The following PCDHGA2 variants were observed in gnomAD, a reference collection of about 807,000 sequenced individuals.
PCDHGA2 encodes the protein protocadherin gamma subfamily A, 2.
In PCDHGA2, 40 loss-of-function variants were observed where a neutral mutation model predicts 59.2. That is an observed-to-expected ratio of 0.68 (90% CI 0.52 to 0.88). The LOEUF is 0.88. PCDHGA2 is among the 40% of genes least tolerant of loss of function. PCDHGA2 has a pLI of 0.00. For synonymous variants in PCDHGA2, 560 were observed against 526.0 expected, an observed-to-expected ratio of 1.06 and a Z score of -0.89; for missense variants, 1,226 against 1,204.0, an observed-to-expected ratio of 1.02 and a Z score of -0.27.
At position 141,394,666 on chromosome 5, in the gene PCDHGA2, C is replaced by T. The variant is rs1175831509; in HGVS notation, c.2424+53271C>T. 1.2e-6 allele frequency: 2 copies of T among 1,613,190 alleles called. No homozygotes were observed. ...AAGGCCAGCGAGCCGGGACTCTTCT[C>T]GGTGGGTCTGCACACGGGCGAGGTG... On this transcript the variant is annotated intron_variant, in intron 1 of 3. Transcript: ENST00000394576.
chr5:141,409,462 C>T (rs377705841), intron 1 of PCDHGA2: 3 of 1,613,988 alleles, frequency 1.9e-6, no homozygotes, highest in Non-Finnish European at 2.5e-6. Flanking sequence ...AATACAATGT[C>T]ACCATCGTAG....
At chr5:141,428,120 C>A in intron 1 of PCDHGA2, 1 of 1,606,526 alleles carries the variant, frequency 6.2e-7, no homozygotes, top group Non-Finnish European at 8.5e-7. Flanking sequence ...CCATCGAGCC[C>A]GGGCTTTTCA....
At chr5:141,469,629 C>T (rs933972587) in intron 1 of PCDHGA2, among the ~76,000 whole-genome samples, 1 of 152,070 alleles carries the variant, frequency 6.6e-6, no homozygotes, top group Admixed American at 6.6e-5. Context: ...GTTTGTAGTT[C>T]CAAAATATTT....
intron 1 of PCDHGA2, chr5:141,383,844 T>C (rs569088165): frequency 2.5e-6 from 4 of 1,613,924 alleles, no homozygotes; most frequent in Non-Finnish European, 3.4e-6. Context: ...CTGCCTTCTA[T>C]GAAATGGAGG....
chr5:141,428,624 C>CT, intron 1 of PCDHGA2: 1 of 193,988 alleles, frequency 5.2e-6, no homozygotes, highest in South Asian at 1.1e-4. Context: ...AAGATAAGCT[C>CT]TAACTCTGTT....
intron 1 of PCDHGA2, chr5:141,393,313 T>G: frequency 1.2e-6 from 2 of 1,613,324 alleles, no homozygotes; most frequent in Non-Finnish European, 1.7e-6. Flanking sequence ...GTGAACTCCC[T>G]CCAGAGCTAC....
Position 141,340,889 on chromosome 5 carries a change from C to T in PCDHGA2, c.1918C>T (p.Gln640Ter), listed in dbSNP as rs768027314. The T allele has an allele frequency of 1.2e-6, 2 of 1,613,714 alleles. No homozygotes were observed. The highest frequency in any genetic ancestry group is 1.7e-6 in the Non-Finnish European group (2 of 1,179,936). The change falls in exon 1 of 4, where the codon CAG becomes TAG. Residue 640 changes from glutamine (Q) to a stop codon, truncating the protein, a stop_gained. Coordinates refer to ENST00000394576, the MANE Select transcript of PCDHGA2 (RefSeq NM_018915.4). LOFTEE classifies it high-confidence loss of function. Reference sequence around the variant, plus strand: ...CCTGCTGGACAGAGACGCGCTCAAGCAGAGCCTCGTGGTGGCCATCCAGGA... The same window carrying T: ...CCTGCTGGACAGAGACGCGCTCAAGTAGAGCCTCGTGGTGGCCATCCAGGA... ...RALLDRDALK[Q>*]SLVVAIQDHG...
At chr5:141,374,703 T>C in intron 1 of PCDHGA2, 1 of 1,609,272 alleles carries the variant, frequency 6.2e-7, no homozygotes, top group Non-Finnish European at 8.5e-7. Flanking sequence ...GGAGAAGCCG[T>C]TTACCGCCTG....
chr5:141,357,682 G>A (rs1467921091), intron 1 of PCDHGA2: 19 of 1,578,578 alleles, frequency 1.2e-5, no homozygotes, highest in African/African-American at 5.5e-5. Flanking sequence ...TTGTGTAAAT[G>A]TCTCTCATTT....
intron 1 of PCDHGA2, chr5:141,418,829 C>A: frequency 1.9e-6 from 3 of 1,613,856 alleles, no homozygotes; most frequent in Non-Finnish European, 1.7e-6. Context: ...AGCAAAAGAC[C>A]GAGGATCTCT....
At chr5:141,364,161 C>A in intron 1 of PCDHGA2, 1 of 652,296 alleles carries the variant, frequency 1.5e-6, no homozygotes, top group Non-Finnish European at 2.3e-6. Flanking sequence ...GCCGCAGAGG[C>A]GACCCGACTC....
intron 3 of PCDHGA2, among the ~76,000 whole-genome samples, chr5:141,509,685 A>G (rs923641083): frequency 6.6e-6 from 1 of 152,166 alleles, no homozygotes. Flanking sequence ...TCTTCTGTAC[A>G]GTGGGACGTT....
intron 1 of PCDHGA2, chr5:141,344,821 C>T (rs780866880): frequency 1.9e-6 from 3 of 1,613,800 alleles, no homozygotes; most frequent in Admixed American, 1.7e-5. Context: ...CGGCTGCTCA[C>T]GGTGAATGCC....
Position 141,491,906 on chromosome 5 carries a change from T to A in PCDHGA2, c.2425-2901T>A, listed in dbSNP as rs1490050332. On this transcript the variant is annotated intron_variant, in intron 1 of 3. Transcript: ENST00000394576. The surrounding 1 kb of genome is among the most constrained non-coding windows in gnomAD (Gnocchi z 6.9). ...ATGGGGCTCCGAGCACCGGGGGTGG[T>A]GGCGACTGTGGGCGAGGGGAGGTGG... is the stretch of plus-strand genomic sequence containing the variant. 7.1e-7 allele frequency: 1 copy of A among 1,414,468 alleles called. No individual in the cohort carries two copies. Among genetic ancestry groups the A allele is most frequent in the African/African-American group, 1.4e-5 (1 of 69,002 alleles). 87.6% of individuals were successfully genotyped at this position (1,414,468 alleles called of 1,614,324 possible).
chr5:141,469,830 A>G (rs184478661), intron 1 of PCDHGA2, among the ~76,000 whole-genome samples: 1 of 152,124 alleles, frequency 6.6e-6, no homozygotes, highest in African/African-American at 2.4e-5. Flanking sequence ...GGTCACATAA[A>G]ACTTATTCTT....
At chr5:141,350,909 C>T (rs1289201700) in intron 1 of PCDHGA2, 1 of 1,614,066 alleles carries the variant, frequency 6.2e-7, no homozygotes. Flanking sequence ...TGGCGGGGAC[C>T]CGCCTCTAAG....
chr5:141,408,384 T>C, intron 1 of PCDHGA2: 2 of 1,614,014 alleles, frequency 1.2e-6, no homozygotes, highest in Non-Finnish European at 1.7e-6. Flanking sequence ...GTCCTGGATG[T>C]GTCGGCTCGC....
chr5:141,372,098 G>C (rs2149999180), intron 1 of PCDHGA2: 1 of 1,613,794 alleles, frequency 6.2e-7, no homozygotes, highest in Middle Eastern at 1.7e-4. Flanking sequence ...CAGCTCTGGG[G>C]CCCGAAGGCT....
chr5:141,409,546 C>T lies in PCDHGA2; in HGVS notation c.2424+68151C>T, dbSNP rs775680397. 19 of 1,613,880 alleles carry T rather than the reference C, an allele frequency of 1.2e-5. No individual in the cohort carries two copies. The South Asian group carries it at 2.0e-4, about 17-fold the overall frequency. ...TGTATGTCGCTGACATCAACGACAA[C>T]GCCCCAGTTTTCGACCAGACGTCCT... On this transcript the variant is annotated intron_variant, in intron 1 of 3. Coordinates refer to ENST00000394576, the MANE Select transcript of PCDHGA2 (RefSeq NM_018915.4).
Sources: allele counts gnomAD v4.1 joint callset (sites outside exome capture counted in the v4.1 genomes callset), GRCh38; gene constraint gnomAD v4.1.1; non-coding constraint Gnocchi (gnomAD v3.1); transcripts MANE v1.5; gene names NCBI Gene and HGNC (gene_info 2026-07-23, HGNC 2026-07-21).